Variants in ZNF550 observed in about 807,000 individuals in gnomAD.
The protein encoded by ZNF550 is zinc finger protein 550.
In ZNF550, 42 loss-of-function variants were observed where a neutral mutation model predicts 40.2. The ratio of observed to expected loss-of-function variants is 1.05; its 90% CI spans 0.82 to 1.35. The LOEUF is 1.35. Ranked by LOEUF, ZNF550 falls within the 40% of genes most tolerant of loss-of-function variation. ZNF550 has a pLI of 0.00. For synonymous variants in ZNF550, 223 were observed against 198.6 expected (o/e 1.12, Z -1.03); for missense variants, 549 against 525.2 (o/e 1.05, Z -0.44).
In ZNF550 at chr19:57,554,946, G is replaced by A. The variant is rs780977572; in HGVS notation, c.154+1285C>T. 1 of 152,136 alleles carries A rather than the reference G, an allele frequency of 6.6e-6. No individual in the cohort carries two copies. Among genetic ancestry groups the A allele is most frequent in the South Asian group, 2.1e-4 (1 of 4,826 alleles). The allele number at this position is 152,136 out of a possible 1,614,324, so 9.4% of individuals were successfully genotyped here. On this transcript the variant is annotated intron_variant, in intron 2 of 4. Transcript: ENST00000457177. The surrounding 1 kb of genome is among the most constrained non-coding windows in gnomAD (Gnocchi z 4.5). Reference sequence around the variant, plus strand: ...GCCCTCTTTGGAACTCCCACAATAGGTTATGACATCCTGCTTATTTATTCC... The same window carrying A: ...GCCCTCTTTGGAACTCCCACAATAGATTATGACATCCTGCTTATTTATTCC...
chr19:57,547,310 C>A lies in ZNF550; in HGVS notation c.934G>T (p.Glu312Ter), dbSNP rs751595570. Residue 312 changes from glutamate (E) to a stop codon, truncating the protein, a stop_gained, in exon 4 of 5, where the codon GAA (glutamate) becomes TAA (stop). Coordinates refer to ENST00000457177, the Ensembl canonical transcript of ZNF550. LOFTEE classifies it high-confidence loss of function. ...CATTCTTTGCACTCAAAGGGCTTTT[C>A]TCCAGTGTGGGTCCTATTATGGCGA... The A allele has an allele frequency of 5.6e-6, 9 of 1,614,048 alleles. No individual in the cohort carries two copies. Among genetic ancestry groups the A allele is most frequent in the Non-Finnish European group, 7.6e-6 (9 of 1,179,994 alleles).
chr19:57,546,541 T>G, exon 4 of ZNF550: 1 of 993,400 alleles, frequency 1.0e-6, no homozygotes, highest in Non-Finnish European at 1.2e-6. Context: ...GACAAGCAAG[T>G]GACAACCTGG....
chr19:57,546,605 T>C, exon 4 of ZNF550: 4 of 1,014,214 alleles, frequency 3.9e-6, no homozygotes, highest in Non-Finnish European at 4.7e-6. Context: ...TCATTATGAT[T>C]CTCAGATAGT....
At chr19:57,556,435 C>CA in intron 1 of ZNF550, 78 bp from the exon 2 acceptor site, 23 of 1,538,772 alleles carry the variant, frequency 1.5e-5, no homozygotes, top group Non-Finnish European at 2.0e-5. Context: ...AGTCTCTAGT[C>CA]AATGTGCAGA....
chr19:57,556,387 G>A lies in ZNF550; in HGVS notation c.28-30C>T, dbSNP rs1281294014. The A allele has an allele frequency of 5.6e-6, 9 of 1,601,864 alleles. No individual in the cohort carries two copies. The African/African-American group carries it at 1.1e-4, about 19-fold the overall frequency. ...AAAGTCAAACAGAAGTAATGCTATT[G>A]GCCTTGTGTTGTCGCATAGGATCAG... is the stretch of plus-strand genomic sequence containing the variant. On this transcript the variant is annotated intron_variant, in intron 1 of 4. Coordinates refer to ENST00000457177, the Ensembl canonical transcript of ZNF550.
intron 3 of ZNF550, among the ~76,000 whole-genome samples, chr19:57,551,069 AT>A (rs899032001): frequency 6.6e-6 from 1 of 152,016 alleles, no homozygotes; most frequent in African/African-American, 2.4e-5. Context: ...CAAAGCAGAG[AT>A]TTTTTTTAAA....
intron 1 of ZNF550, 132 bp from the exon 2 acceptor site, chr19:57,556,489 C>G (rs2090122723): frequency 1.7e-6 from 2 of 1,166,850 alleles, no homozygotes; most frequent in Non-Finnish European, 2.4e-6. Flanking sequence ...GGGCTGACTT[C>G]CGTGCAGGGC....
exon 5 of ZNF550, chr19:57,542,295 C>G (rs544533200): frequency 6.7e-6 from 1 of 148,200 alleles, no homozygotes; most frequent in African/African-American, 2.5e-5. Flanking sequence ...AACATAATTC[C>G]AGTTACATAC....
At chr19:57,541,956 G>C (rs1167693091) in exon 5 of ZNF550, 1 of 151,862 alleles carries the variant, frequency 6.6e-6, no homozygotes, top group Non-Finnish European at 1.5e-5. Flanking sequence ...TAGTATCAAG[G>C]GACTAGCCCA....
chr19:57,558,282 T>C (rs77343984), intron 1 of ZNF550, among the ~76,000 whole-genome samples: 1,701 of 152,196 alleles, frequency 0.011, 28 homozygotes, highest in South Asian at 0.048. Context: ...GGGAAAGAGC[T>C]TGGCAAGCTC....
At chr19:57,545,731 G>A (rs1310182317) in intron 4 of ZNF550, among the ~76,000 whole-genome samples, 1 of 152,132 alleles carries the variant, frequency 6.6e-6, no homozygotes, top group African/African-American at 2.4e-5. Context: ...AAAAATTTAA[G>A]GCTGGGTGCA....
intron 1 of ZNF550, among the ~76,000 whole-genome samples, chr19:57,557,696 C>T (rs2090135018): frequency 6.6e-6 from 1 of 152,176 alleles, no homozygotes; most frequent in African/African-American, 2.4e-5. Context: ...GGCAGGCACC[C>T]TTCACTAAGT....
exon 5 of ZNF550, chr19:57,541,841 A>G (rs2089961878): frequency 6.6e-6 from 1 of 152,220 alleles, no homozygotes; most frequent in African/African-American, 2.4e-5. Flanking sequence ...AAAAATATTA[A>G]TTAAAATCAA....
exon 4 of ZNF550, chr19:57,547,725 T>A (rs1424419711): frequency 6.2e-7 from 1 of 1,614,104 alleles, no homozygotes; most frequent in Non-Finnish European, 8.5e-7. Context: ...ACCACTCTTG[T>A]AATGCCCTGG....
At chr19:57,546,731 C>A in exon 4 of ZNF550, 1 of 1,256,358 alleles carries the variant, frequency 8.0e-7, no homozygotes, top group Non-Finnish European at 1.0e-6. Context: ...TGGTATGAAT[C>A]CTTCTGCAAT....
exon 5 of ZNF550, chr19:57,542,139 T>C (rs1478247023): frequency 2.6e-5 from 4 of 151,930 alleles, no homozygotes; most frequent in Admixed American, 1.3e-4. Flanking sequence ...CAAATGTATT[T>C]CAATATGAGA....
intron 2 of ZNF550, 170 bp downstream of exon 2, chr19:57,556,061 A>G: frequency 1.2e-6 from 1 of 806,960 alleles, no homozygotes; most frequent in South Asian, 1.6e-5. Flanking sequence ...TTTGTGTTAA[A>G]AGGACATTTT....
chr19:57,543,607 A>T (rs2089980744), intron 4 of ZNF550: 2 of 985,214 alleles, frequency 2.0e-6, no homozygotes, highest in African/African-American at 3.5e-5. Flanking sequence ...TTTGTTCATT[A>T]AATGTAACAA....
At chr19:57,544,232 C>G (rs1040628736) in intron 4 of ZNF550, 76 of 985,322 alleles carry the variant, frequency 7.7e-5, no homozygotes, top group Non-Finnish European at 2.2e-5. Context: ...TCATGAGATT[C>G]TTGCCTATCA....
Sources: gnomAD v4.1 joint callset for allele counts (sites outside exome capture counted in the v4.1 genomes callset) on GRCh38, gnomAD v4.1.1 for gene constraint, Gnocchi (gnomAD v3.1) non-coding constraint, MANE v1.5 for transcripts, NCBI Gene and HGNC (gene_info 2026-07-23, HGNC 2026-07-21) for gene names.